Variants in HPF1 observed in about 807,000 individuals in gnomAD.
HPF1 encodes UPF0609 protein C4orf27.
A neutral mutation model predicts 38.8 loss-of-function variants in HPF1; 35 were observed. That is an observed-to-expected ratio of 0.90 (90% CI 0.69 to 1.19). HPF1 has a LOEUF of 1.19. HPF1 is among the 50% of genes most tolerant of loss of function. The probability of loss-of-function intolerance (pLI) is 0.00; values close to 1 mark genes in which losing one functional copy is unlikely to be tolerated. For synonymous variants in HPF1, 115 were observed against 139.2 expected, an observed-to-expected ratio of 0.83 and a Z score of 1.22; for missense variants, 367 against 405.8, an observed-to-expected ratio of 0.90 and a Z score of 0.82.
chr4:169,746,972 A>G (rs1012598874), intron 4 of HPF1, among the ~76,000 whole-genome samples: 1 of 133,810 alleles, frequency 7.5e-6, no homozygotes, highest in Non-Finnish European at 1.6e-5. Context: ...TTACATGACC[A>G]CTATTATGTT....
At chr4:169,736,945 T>C (rs1733903929) in intron 6 of HPF1, among the ~76,000 whole-genome samples, 1 of 152,178 alleles carries the variant, frequency 6.6e-6, no homozygotes, top group Non-Finnish European at 1.5e-5. Flanking sequence ...GATGACGTAG[T>C]TCAGGATCTT....
At chr4:169,739,771 C>T (rs1733943084) in intron 5 of HPF1, among the ~76,000 whole-genome samples, 1 of 152,106 alleles carries the variant, frequency 6.6e-6, no homozygotes, top group Non-Finnish European at 1.5e-5. Flanking sequence ...TCTGCAGCCG[C>T]TCAAAATTAT....
At chr4:169,742,707 G>C (rs1360575038) in intron 4 of HPF1, among the ~76,000 whole-genome samples, 1 of 152,150 alleles carries the variant, frequency 6.6e-6, no homozygotes, top group Admixed American at 6.5e-5. Context: ...CAGGAGAACG[G>C]CGTGAACCCG....
At chr4:169,741,063 A>G (rs1733962635) in intron 5 of HPF1, among the ~76,000 whole-genome samples, 2 of 152,236 alleles carry the variant, frequency 1.3e-5, no homozygotes, top group Non-Finnish European at 2.9e-5. Context: ...GGGTTTCATT[A>G]AAATGTATGT....
At position 169,729,671 on chromosome 4, in the gene HPF1, T is replaced by C. The variant is rs759809862; in HGVS notation, c.948A>G (p.Ala316=). 3.8e-6 allele frequency: 6 copies of C among 1,567,728 alleles called. No individual in the cohort carries two copies. The highest frequency in any genetic ancestry group is 4.3e-6 in the Non-Finnish European group (5 of 1,160,608). ...ACAGATTCCTCTTCAACAGATTATA[T>C]GCAAGAGGTAAAAGCTGGCCAGCAA... The part of the protein sequence containing the change: ...HKVAGQLLPL[A]YNLLKRNLFA... Residue 316 remains alanine (A), a synonymous_variant, in exon 8 of 8, where the codon GCA becomes GCG. Transcript: ENST00000393381.
intron 3 of HPF1, among the ~76,000 whole-genome samples, chr4:169,749,578 T>C (rs991991552): frequency 2.0e-5 from 3 of 152,090 alleles, no homozygotes; most frequent in Non-Finnish European, 2.9e-5. Context: ...TTGATGCCTT[T>C]TTTATAAGGG....
intron 4 of HPF1, among the ~76,000 whole-genome samples, chr4:169,742,433 A>G (rs1733981180): frequency 6.6e-6 from 1 of 152,230 alleles, no homozygotes; most frequent in Admixed American, 6.5e-5. Context: ...AAGATATGGC[A>G]TACTACTTTG....
chr4:169,735,238 A>G (rs1383100627), intron 6 of HPF1, among the ~76,000 whole-genome samples: 1 of 152,216 alleles, frequency 6.6e-6, no homozygotes, highest in Non-Finnish European at 1.5e-5. Flanking sequence ...TAAGACCTAC[A>G]ATAAAGAGTT....
chr4:169,732,211 G>T (rs1257667758), intron 6 of HPF1, among the ~76,000 whole-genome samples: 1 of 147,002 alleles, frequency 6.8e-6, no homozygotes, highest in East Asian at 2.0e-4. Flanking sequence ...TGCGATCTCA[G>T]CTCACTGCAA....
In HPF1 at chr4:169,729,593, G is replaced by A; in HGVS notation, c.1026C>T (p.Asp342=). Residue 342 remains aspartate (D), a synonymous_variant, in exon 8 of 8, where the codon GAC becomes GAT. Coordinates refer to ENST00000393381, the MANE Select transcript of HPF1 (RefSeq NM_017867.3). The part of the protein sequence containing the change: ...HLANRSQENI[D]QLAA The stretch of plus-strand genomic sequence containing the variant: ...GCCACCTTACTCATGCAGCAAGTTG[G>A]TCTATGTTCTCTTGACTTCTGTTTG... 1 of 1,562,630 alleles carries A rather than the reference G, an allele frequency of 6.4e-7. No individual in the cohort carries two copies. The highest frequency in any genetic ancestry group is 8.7e-7 in the Non-Finnish European group (1 of 1,155,934).
chr4:169,745,804 T>C (rs1295660699), intron 4 of HPF1, among the ~76,000 whole-genome samples: 3 of 152,200 alleles, frequency 2.0e-5, no homozygotes, highest in Admixed American at 1.3e-4. Flanking sequence ...CATTTTTAAA[T>C]ACATTTGCAT....
chr4:169,756,975 AAC>A (rs1734195907), intron 1 of HPF1, among the ~76,000 whole-genome samples: 1 of 152,184 alleles, frequency 6.6e-6, no homozygotes, highest in South Asian at 2.1e-4. Context: ...ATGGCCCTTT[AAC>A]AGTTAGTTAA....
At chr4:169,754,371 T>G (rs1031696190) in intron 1 of HPF1, among the ~76,000 whole-genome samples, 2 of 152,170 alleles carry the variant, frequency 1.3e-5, no homozygotes, top group Non-Finnish European at 2.9e-5. Flanking sequence ...TTAGTGACAA[T>G]GTTAAACATC....
At position 169,746,028 on chromosome 4, in the gene HPF1, G is replaced by GA. The variant is rs554623883; in HGVS notation, c.497+2715dup. ...TTTAGGAAAATAAATAAGGCAGAAG[G>GA]AAAAAAAAAATCATTCCTTTGTTGT... On this transcript the variant is annotated intron_variant, in intron 4 of 7. Transcript: ENST00000393381. Among the ~76,000 whole-genome samples, 523 of 148,840 alleles carry GA rather than the reference G, an allele frequency of 3.5e-3. 3 individuals are homozygous for GA. Among genetic ancestry groups the GA allele is most frequent in the African/African-American group, 0.011 (435 of 40,702 alleles).
chr4:169,749,720 C>CAAAAAAAAAAAAAAAAAA (rs11413826), intron 3 of HPF1, among the ~76,000 whole-genome samples: 1 of 127,302 alleles, frequency 7.9e-6, no homozygotes, highest in African/African-American at 3.0e-5. Context: ...TACTCAAATA[C>CAAAAAAAAAAAAAAAAAA]AAAAAAAAAA....
At chr4:169,751,894 A>C (rs980680943) in intron 2 of HPF1, among the ~76,000 whole-genome samples, 4 of 152,158 alleles carry the variant, frequency 2.6e-5, no homozygotes, top group African/African-American at 9.7e-5. Flanking sequence ...CATACTCTCC[A>C]CCCCCATGAA....
chr4:169,743,409 CTTTTTTTTTTT>C (rs34941625), intron 4 of HPF1, among the ~76,000 whole-genome samples: 15 of 69,716 alleles, frequency 2.2e-4, no homozygotes, highest in Non-Finnish European at 2.6e-4. Flanking sequence ...TGCCCCTGGC[CTTTTTTTTTTT>C]TTTTTTTTTT....
intron 3 of HPF1, among the ~76,000 whole-genome samples, chr4:169,750,274 T>A (rs776734590): frequency 9.9e-5 from 15 of 152,108 alleles, no homozygotes; most frequent in Non-Finnish European, 5.9e-5. Context: ...CTCTAAATTA[T>A]CTTTCTTGGG....
intron 5 of HPF1, among the ~76,000 whole-genome samples, chr4:169,739,859 T>C (rs1407107616): frequency 2.0e-5 from 3 of 152,126 alleles, no homozygotes; most frequent in African/African-American, 7.2e-5. Flanking sequence ...CATAAAGCAC[T>C]GATAATGAAA....
Sources: allele counts gnomAD v4.1 joint callset (sites outside exome capture counted in the v4.1 genomes callset), GRCh38; gene constraint gnomAD v4.1.1; transcripts MANE v1.5; gene names NCBI Gene and HGNC (gene_info 2026-07-23, HGNC 2026-07-21).